The following SDK1 variants were observed in gnomAD, a reference collection of about 807,000 sequenced individuals.
SDK1 encodes sidekick cell adhesion molecule 1.
Under a neutral mutation model 245.5 loss-of-function variants are expected in SDK1, and 157 were observed. That is an observed-to-expected ratio of 0.64 (90% confidence interval 0.56 to 0.73). The LOEUF (loss-of-function observed/expected upper bound fraction) is 0.73, where lower values mean the gene tolerates loss of function less well. Ranked by LOEUF, SDK1 falls within the 30% of genes least tolerant of loss-of-function variation. The probability of loss-of-function intolerance (pLI) is 0.00; values close to 1 mark genes in which losing one functional copy is unlikely to be tolerated. For missense variants in SDK1, 3,583 were observed against 3,002.3 expected (o/e 1.19, Z -4.52); for synonymous variants, 1,647 against 1,278.5 (o/e 1.29, Z -6.15).
chr7:3,340,151 TAATA>T (rs1332773275), intron 1 of SDK1, among the ~76,000 whole-genome samples: 1 of 151,960 alleles, frequency 6.6e-6, no homozygotes, highest in Non-Finnish European at 1.5e-5. Flanking sequence ...AACTAAAACT[TAATA>T]AAACTCAACC....
intron 1 of SDK1, among the ~76,000 whole-genome samples, chr7:3,491,753 G>T (rs1204457259): frequency 6.6e-6 from 1 of 152,112 alleles, no homozygotes; most frequent in Non-Finnish European, 1.5e-5. Context: ...TTTTAAATGA[G>T]CTGGAACAAT....
intron 1 of SDK1, among the ~76,000 whole-genome samples, chr7:3,604,722 C>T (rs761132186): frequency 6.6e-6 from 1 of 151,430 alleles, no homozygotes; most frequent in Non-Finnish European, 1.5e-5. Context: ...GCTGCCTCAG[C>T]CTCCAGAGTA....
At position 3,971,527 on chromosome 7, in the gene SDK1, G is replaced by T. The variant is rs758616966; in HGVS notation, c.1776G>T (p.Thr592=). Residue 592 remains threonine, a synonymous_variant, in exon 12 of 45, where the codon ACG becomes ACT. Coordinates refer to ENST00000404826, the MANE Select transcript of SDK1 (RefSeq NM_152744.4). The part of the protein sequence containing the change: ...DHVVIKGTTA[T]LHCGATHDPR... ...TGGTGATTAAGGGGACCACGGCCAC[G>T]CTGCACTGTGGTGCCACACATGACC... The T allele has an allele frequency of 1.7e-5, 27 of 1,613,594 alleles. No individual in the cohort carries two copies. The highest frequency in any genetic ancestry group is 2.2e-5 in the Non-Finnish European group (26 of 1,179,846).
chr7:3,571,095 CTTTAG>C, intron 1 of SDK1, among the ~76,000 whole-genome samples: 1 of 152,040 alleles, frequency 6.6e-6, no homozygotes, highest in South Asian at 2.1e-4. Context: ...TAAAATTTGA[CTTTAG>C]TTATGTTAAC....
At chr7:3,959,809 T>G (rs1414154528) in intron 8 of SDK1, among the ~76,000 whole-genome samples, 1 of 152,078 alleles carries the variant, frequency 6.6e-6, no homozygotes, top group Non-Finnish European at 1.5e-5. Flanking sequence ...TTTTTTGCCT[T>G]TTCAGCTCTG....
Position 4,267,514 on chromosome 7 carries a change from G to A in SDK1, c.*2130G>A, listed in dbSNP as rs1224206378. 6.1e-6 allele frequency: 6 copies of A among 985,470 alleles called. No individual in the cohort carries two copies. Among genetic ancestry groups the A allele is most frequent in the Non-Finnish European group, 7.2e-6 (6 of 829,964 alleles). The allele number at this position is 985,470 out of a possible 1,614,324, so 61.0% of individuals were successfully genotyped here. On this transcript the variant is annotated 3_prime_UTR_variant, in exon 45 of 45. Transcript: ENST00000404826. ...TCCCCTCGGCCCCGGAGAGGGCGAAGTGGGCGGGAAGCCAGGATGTGAGCA... is the reference window on the plus strand; with the variant it reads ...TCCCCTCGGCCCCGGAGAGGGCGAAATGGGCGGGAAGCCAGGATGTGAGCA...
At chr7:3,360,627 G>A (rs969810926) in intron 1 of SDK1, among the ~76,000 whole-genome samples, 2 of 152,154 alleles carry the variant, frequency 1.3e-5, no homozygotes, top group Non-Finnish European at 2.9e-5. Flanking sequence ...AGGAATATAT[G>A]ACAAGCTGGC....
At chr7:3,473,407 A>G (rs886603160) in intron 1 of SDK1, among the ~76,000 whole-genome samples, 2 of 152,226 alleles carry the variant, frequency 1.3e-5, no homozygotes, top group African/African-American at 2.4e-5. Flanking sequence ...TTATAGATTT[A>G]CTTCTTCAAT....
intron 1 of SDK1, among the ~76,000 whole-genome samples, chr7:3,351,408 G>C (rs1158441218): frequency 1.3e-5 from 2 of 152,012 alleles, no homozygotes; most frequent in Non-Finnish European, 2.9e-5. Context: ...AGAGGAGGCA[G>C]GAAAAACAGA....
At chr7:3,821,417 G>C in intron 4 of SDK1, 33 bp from the exon 5 acceptor site, 1 of 1,599,332 alleles carries the variant, frequency 6.3e-7, no homozygotes, top group Middle Eastern at 1.7e-4. Flanking sequence ...CCCTGGAGTA[G>C]CTTTGACACT....
chr7:4,143,844 C>T (rs1779762305), intron 28 of SDK1, among the ~76,000 whole-genome samples: 1 of 152,198 alleles, frequency 6.6e-6, no homozygotes, highest in African/African-American at 2.4e-5. Flanking sequence ...CGTCCTCATC[C>T]TTGTCTTGTA....
intron 38 of SDK1, among the ~76,000 whole-genome samples, chr7:4,215,273 G>T (rs2128229730): frequency 6.6e-6 from 1 of 152,360 alleles, no homozygotes; most frequent in East Asian, 1.9e-4. Context: ...TTCCCAATTG[G>T]TGGGTGGTGA....
intron 1 of SDK1, among the ~76,000 whole-genome samples, chr7:3,592,833 T>C (rs1430541925): frequency 1.3e-5 from 2 of 152,214 alleles, no homozygotes; most frequent in Non-Finnish European, 2.9e-5. Flanking sequence ...TATATGTTTG[T>C]TGTGTTTTGA....
intron 4 of SDK1, among the ~76,000 whole-genome samples, chr7:3,693,290 A>G (rs1260124753): frequency 6.6e-6 from 1 of 152,092 alleles, no homozygotes; most frequent in Non-Finnish European, 1.5e-5. Flanking sequence ...TTGCATAAAA[A>G]TGTCGTAATA....
intron 1 of SDK1, among the ~76,000 whole-genome samples, chr7:3,380,603 T>G (rs546214813): frequency 6.6e-6 from 1 of 152,338 alleles, no homozygotes; most frequent in African/African-American, 2.4e-5. Flanking sequence ...CTTAACCAAG[T>G]AACTTAAAGG....
At chr7:4,261,903 G>A (rs1428855983) in intron 44 of SDK1, among the ~76,000 whole-genome samples, 1 of 151,768 alleles carries the variant, frequency 6.6e-6, no homozygotes, top group African/African-American at 2.4e-5. Flanking sequence ...AGGACGCACA[G>A]GTGAGGGTCC....
At chr7:3,567,432 C>T (rs971907474) in intron 1 of SDK1, among the ~76,000 whole-genome samples, 4 of 152,160 alleles carry the variant, frequency 2.6e-5, no homozygotes, top group Non-Finnish European at 4.4e-5. Flanking sequence ...TCCAAAGGCT[C>T]ATCTTACTTT....
intron 4 of SDK1, among the ~76,000 whole-genome samples, chr7:3,744,731 G>T (rs548022417): frequency 2.0e-5 from 3 of 152,046 alleles, no homozygotes; most frequent in East Asian, 3.9e-4. Flanking sequence ...AGAATGGCGT[G>T]AACCCGGGAG....
chr7:4,085,597 G>A (rs375520169), intron 22 of SDK1, among the ~76,000 whole-genome samples: 8 of 151,792 alleles, frequency 5.3e-5, no homozygotes, highest in South Asian at 4.2e-4. Context: ...CTCTGTCACC[G>A]AGGCTGGAGT....
Sources: gnomAD v4.1 joint callset for allele counts (sites outside exome capture counted in the v4.1 genomes callset) on GRCh38, gnomAD v4.1.1 for gene constraint, MANE v1.5 for transcripts, NCBI Gene and HGNC (gene_info 2026-07-23, HGNC 2026-07-21) for gene names.